ASIC2: variants seen among roughly 807,000 people sequenced by gnomAD.
ASIC2 encodes the protein acid-sensing ion channel 2.
A neutral mutation model predicts 57.3 loss-of-function variants in ASIC2; 25 were observed. The observed-to-expected ratio is 0.44, with a 90% confidence interval of 0.32 to 0.61. The LOEUF (loss-of-function observed/expected upper bound fraction) is 0.61, where lower values mean the gene tolerates loss of function less well. Ranked by LOEUF, ASIC2 falls within the 20% of genes least tolerant of loss-of-function variation. ASIC2 has a pLI of 0.06. For synonymous variants in ASIC2, 319 were observed against 307.5 expected (o/e 1.04, Z -0.39); for missense variants, 641 against 738.1 (o/e 0.87, Z 1.52).
At chr17:33,848,535 C>T (rs1913676453) in intron 1 of ASIC2, among the ~76,000 whole-genome samples, 1 of 152,154 alleles carries the variant, frequency 6.6e-6, no homozygotes, top group Non-Finnish European at 1.5e-5. Context: ...GGCTCTCATG[C>T]CCTTAGGGAC....
chr17:34,085,020 T>A (rs1448165361), intron 1 of ASIC2, among the ~76,000 whole-genome samples: 1 of 152,222 alleles, frequency 6.6e-6, no homozygotes, highest in Non-Finnish European at 1.5e-5. Context: ...CCTAATTGAA[T>A]ACCCTTTATT....
At chr17:33,757,628 C>A (rs1406791544) in intron 1 of ASIC2, among the ~76,000 whole-genome samples, 2 of 152,236 alleles carry the variant, frequency 1.3e-5, no homozygotes, top group Non-Finnish European at 2.9e-5. Flanking sequence ...TCTTAGACTT[C>A]TTTCCCTGAG....
intron 1 of ASIC2, among the ~76,000 whole-genome samples, chr17:33,181,971 A>G (rs1906001898): frequency 6.6e-6 from 1 of 152,176 alleles, no homozygotes; most frequent in African/African-American, 2.4e-5. Context: ...AGAACCCTGC[A>G]GTGACTTTGA....
intron 1 of ASIC2, among the ~76,000 whole-genome samples, chr17:33,911,466 C>A (rs915415238): frequency 6.6e-6 from 1 of 152,182 alleles, no homozygotes; most frequent in Admixed American, 6.5e-5. Flanking sequence ...CTGACTGTTA[C>A]CCCAGTGTTC....
intron 1 of ASIC2, among the ~76,000 whole-genome samples, chr17:33,898,204 A>G (rs1185905108): frequency 1.4e-5 from 2 of 138,184 alleles, no homozygotes; most frequent in South Asian, 2.4e-4. Flanking sequence ...AAAACTGCCC[A>G]GAGTTCATGT....
At chr17:34,081,798 G>T (rs1909895291) in intron 1 of ASIC2, among the ~76,000 whole-genome samples, 1 of 152,148 alleles carries the variant, frequency 6.6e-6, no homozygotes, top group Admixed American at 6.5e-5. Context: ...CTGACAATTT[G>T]TTTTATCTCT....
At chr17:33,272,134 G>A (rs943408033) in intron 1 of ASIC2, among the ~76,000 whole-genome samples, 1 of 152,122 alleles carries the variant, frequency 6.6e-6, no homozygotes, top group African/African-American at 2.4e-5. Flanking sequence ...GTTCATGCAG[G>A]GCTTCCTGAC....
intron 1 of ASIC2, among the ~76,000 whole-genome samples, chr17:33,911,240 T>C (rs999130521): frequency 5.9e-5 from 9 of 152,118 alleles, no homozygotes; most frequent in African/African-American, 2.2e-4. Flanking sequence ...AATCTACAAA[T>C]GAGCGTATCA....
intron 1 of ASIC2, among the ~76,000 whole-genome samples, chr17:33,640,631 G>T (rs539605529): frequency 6.6e-6 from 1 of 152,340 alleles, no homozygotes; most frequent in African/African-American, 2.4e-5. Context: ...AAGAGAAACT[G>T]CAAGGGCCTC....
intron 1 of ASIC2, among the ~76,000 whole-genome samples, chr17:34,108,280 A>G (rs1911136978): frequency 6.6e-6 from 1 of 152,142 alleles, no homozygotes; most frequent in Admixed American, 6.5e-5. Context: ...TATCCTGTTC[A>G]TGCATTTTTT....
chr17:33,797,958 G>A (rs578069244), intron 1 of ASIC2, among the ~76,000 whole-genome samples: 1 of 152,282 alleles, frequency 6.6e-6, no homozygotes, highest in East Asian at 1.9e-4. Context: ...AGAGCCTGGC[G>A]AGAGAGGGAT....
intron 1 of ASIC2, among the ~76,000 whole-genome samples, chr17:34,057,203 G>A (rs1007399952): frequency 1.3e-5 from 2 of 152,164 alleles, no homozygotes; most frequent in African/African-American, 4.8e-5. Flanking sequence ...ATGATCCCAA[G>A]GAGAGTTAGA....
intron 1 of ASIC2, among the ~76,000 whole-genome samples, chr17:33,270,355 C>T (rs1904435001): frequency 6.6e-6 from 1 of 152,202 alleles, no homozygotes; most frequent in Non-Finnish European, 1.5e-5. Flanking sequence ...GCACAGAGTT[C>T]CCTGGCTTCT....
intron 7 of ASIC2, among the ~76,000 whole-genome samples, chr17:33,019,830 G>C (rs960477173): frequency 2.6e-5 from 4 of 151,456 alleles, no homozygotes; most frequent in Non-Finnish European, 5.9e-5. Flanking sequence ...TGAAAGAGAG[G>C]GATCTGTGTG....
At chr17:33,017,841 T>G (rs1038065154) in intron 7 of ASIC2, among the ~76,000 whole-genome samples, 157 bp from the exon 8 acceptor site, 17 of 152,206 alleles carry the variant, frequency 1.1e-4, no homozygotes, top group African/African-American at 4.1e-4. Flanking sequence ...GTTCCTTCCC[T>G]CACGGCACAG....
intron 1 of ASIC2, among the ~76,000 whole-genome samples, chr17:33,256,693 G>A (rs746817242): frequency 4.6e-5 from 7 of 152,162 alleles, no homozygotes; most frequent in Non-Finnish European, 8.8e-5. Context: ...TTAGCCAGGC[G>A]TGGTGGCACG....
rs759603761 is a variant in ASIC2, at chr17:33,028,317, T to C, written c.1063A>G (p.Ile355Val). The C allele has an allele frequency of 1.9e-6, 3 of 1,614,108 alleles. No homozygotes were observed. The highest frequency in any genetic ancestry group is 2.2e-5 in the South Asian group (2 of 91,076). ...MGLDFFPVYSITACRIDCETR... is the reference protein window; with the variant it reads ...MGLDFFPVYSVTACRIDCETR... Reference sequence around the variant, plus strand: ...TCACAGTCAATCCTACAGGCGGTGATGCTGTAAACAGGAAAAAAGTCGAGG... The same window carrying C: ...TCACAGTCAATCCTACAGGCGGTGACGCTGTAAACAGGAAAAAAGTCGAGG... Residue 355 changes from isoleucine (I) to valine (V), a missense_variant, in exon 4 of 10, where the codon ATC (isoleucine) becomes GTC (valine). Around this residue, in one of 3 missense-constraint regions of ASIC2, gnomAD observed 252 missense variants for 319.8 expected, o/e 0.79. Coordinates refer to ENST00000225823, the MANE Select transcript of ASIC2 (RefSeq NM_183377.2).
intron 1 of ASIC2, among the ~76,000 whole-genome samples, chr17:33,153,957 T>C (rs976793375): frequency 2.0e-5 from 3 of 152,204 alleles, no homozygotes; most frequent in African/African-American, 7.2e-5. Context: ...AATCACAGTT[T>C]GACTTCTCCC....
At chr17:34,124,349 T>C (rs915926277) in intron 1 of ASIC2, among the ~76,000 whole-genome samples, 11 of 152,182 alleles carry the variant, frequency 7.2e-5, no homozygotes, top group African/African-American at 2.2e-4. Flanking sequence ...ACCTACACAA[T>C]AGCATTTTAA....
Sources: allele counts gnomAD v4.1 joint callset (sites outside exome capture counted in the v4.1 genomes callset), GRCh38; gene constraint gnomAD v4.1.1; regional missense constraint gnomAD v4.1.1; transcripts MANE v1.5; gene names NCBI Gene and HGNC (gene_info 2026-07-23, HGNC 2026-07-21).